CCBE1: variants seen among roughly 807,000 people sequenced by gnomAD.
CCBE1 encodes collagen and calcium-binding EGF domain-containing protein 1.
In CCBE1, 37 loss-of-function variants were observed where a neutral mutation model predicts 50.0. That is an observed-to-expected ratio of 0.74 (90% CI 0.57 to 0.97). The LOEUF is 0.97. Among genes scored for constraint, CCBE1 ranks in the 50% least tolerant of loss-of-function variants. The probability of loss-of-function intolerance (pLI) is 0.00; values close to 1 mark genes in which losing one functional copy is unlikely to be tolerated. For missense variants in CCBE1, 538 were observed against 523.8 expected (o/e 1.03, Z -0.26); for synonymous variants, 234 against 203.7 (o/e 1.15, Z -1.27).
intron 2 of CCBE1, among the ~76,000 whole-genome samples, chr18:59,589,101 T>A (rs1182049541): frequency 5.9e-5 from 9 of 152,176 alleles, no homozygotes; most frequent in African/African-American, 2.2e-4. Flanking sequence ...CAGGAAGGTC[T>A]GGAACTCAAC....
intron 2 of CCBE1, among the ~76,000 whole-genome samples, chr18:59,492,288 C>T (rs1019099404): frequency 3.3e-5 from 5 of 151,804 alleles, no homozygotes; most frequent in South Asian, 2.1e-4. Flanking sequence ...ACAACAGCTG[C>T]GTTTTCAGGT....
intron 2 of CCBE1, among the ~76,000 whole-genome samples, chr18:59,532,467 G>A (rs1483156629): frequency 6.6e-6 from 1 of 152,200 alleles, no homozygotes; most frequent in Non-Finnish European, 1.5e-5. Context: ...TGTACCAATA[G>A]CTTGCTTCAC....
chr18:59,517,875 G>A (rs1914440579), intron 2 of CCBE1, among the ~76,000 whole-genome samples: 1 of 152,228 alleles, frequency 6.6e-6, no homozygotes, highest in South Asian at 2.1e-4. Flanking sequence ...ACATGGTCAA[G>A]GGGGCTGGGG....
intron 2 of CCBE1, among the ~76,000 whole-genome samples, chr18:59,682,756 C>T (rs2054607840): frequency 6.6e-6 from 1 of 152,226 alleles, no homozygotes; most frequent in African/African-American, 2.4e-5. Context: ...AAAGTAAACT[C>T]CAACCCTTTG....
In CCBE1 at chr18:59,628,033, C is replaced by T. The variant is rs377034376; in HGVS notation, c.212+68596G>A. ...TTCAAGACCAGCCTGGGCAACATAA[C>T]GACACCCCGTCTCTACAAAAAATAC... On this transcript the variant is annotated intron_variant, in intron 2 of 10. Coordinates refer to ENST00000439986, the MANE Select transcript of CCBE1 (RefSeq NM_133459.4). Among the ~76,000 whole-genome samples, 31 of 152,126 alleles carry T rather than the reference C, an allele frequency of 2.0e-4. 1 individual carries two copies. The South Asian group carries it at 3.5e-3, about 17-fold the overall frequency.
chr18:59,524,800 T>C (rs912163769), intron 2 of CCBE1, among the ~76,000 whole-genome samples: 1 of 152,216 alleles, frequency 6.6e-6, no homozygotes. Flanking sequence ...CCTGTGTCCA[T>C]GTGTTCTCAC....
chr18:59,651,342 G>A (rs917565153), intron 2 of CCBE1, among the ~76,000 whole-genome samples: 5 of 152,164 alleles, frequency 3.3e-5, no homozygotes, highest in East Asian at 3.9e-4. Flanking sequence ...CCATACCACC[G>A]GGTTATGGGA....
At chr18:59,473,375 C>G (rs945944913) in intron 3 of CCBE1, among the ~76,000 whole-genome samples, 5 of 152,002 alleles carry the variant, frequency 3.3e-5, no homozygotes, top group Admixed American at 3.3e-4. Context: ...TGAATCACAT[C>G]TTTTTTCCTC....
chr18:59,504,467 T>C (rs1244139759), intron 2 of CCBE1, among the ~76,000 whole-genome samples: 2 of 152,070 alleles, frequency 1.3e-5, no homozygotes, highest in Admixed American at 1.3e-4. Context: ...CCTTATTTGT[T>C]TAAATTAAGA....
chr18:59,522,524 A>G (rs949212), intron 2 of CCBE1, among the ~76,000 whole-genome samples: 44,432 of 152,136 alleles, frequency 0.29, 8,337 homozygotes, highest in African/African-American at 0.53. Flanking sequence ...GACTGGGATC[A>G]TAGTGGTGGT....
intron 2 of CCBE1, among the ~76,000 whole-genome samples, chr18:59,485,584 A>ATATTTATTTATTTATTTATTTATT (rs60888501): frequency 2.8e-5 from 4 of 140,882 alleles, no homozygotes; most frequent in African/African-American, 7.9e-5. Flanking sequence ...GATATATCAG[A>ATATTTATTTATTTATTTATTTATT]TATTTATTTA....
At chr18:59,540,834 C>CT (rs1915438744) in intron 2 of CCBE1, among the ~76,000 whole-genome samples, 1 of 152,154 alleles carries the variant, frequency 6.6e-6, no homozygotes, top group South Asian at 2.1e-4. Context: ...TATTTAATGT[C>CT]TTGTCTTTAC....
chr18:59,672,970 A>T (rs2054455042), intron 2 of CCBE1, among the ~76,000 whole-genome samples: 1 of 152,108 alleles, frequency 6.6e-6, no homozygotes, highest in Non-Finnish European at 1.5e-5. Context: ...TACTCATGTA[A>T]CCAAGTACCA....
intron 2 of CCBE1, among the ~76,000 whole-genome samples, chr18:59,595,533 A>T (rs1194290282): frequency 1.3e-5 from 2 of 152,154 alleles, no homozygotes; most frequent in Non-Finnish European, 2.9e-5. Context: ...TTTTACCATC[A>T]CCATTACCTG....
intron 2 of CCBE1, among the ~76,000 whole-genome samples, chr18:59,563,144 A>G (rs1442635228): frequency 6.6e-6 from 1 of 152,150 alleles, no homozygotes; most frequent in African/African-American, 2.4e-5. Context: ...TCAAATGGCA[A>G]CTGCAGAGGT....
At chr18:59,585,398 A>C (rs1458147953) in intron 2 of CCBE1, among the ~76,000 whole-genome samples, 1 of 152,124 alleles carries the variant, frequency 6.6e-6, no homozygotes, top group Non-Finnish European at 1.5e-5. Flanking sequence ...CCTCTCCACC[A>C]AGACTGCAGG....
intron 5 of CCBE1, among the ~76,000 whole-genome samples, chr18:59,463,700 C>A (rs1437695197): frequency 6.6e-6 from 1 of 152,208 alleles, no homozygotes; most frequent in African/African-American, 2.4e-5. Context: ...ATTTCTATAT[C>A]CCAACATCGA....
At position 59,591,245 on chromosome 18, in the gene CCBE1, C is replaced by CAAAAAAAAA; in HGVS notation, c.212+105375_212+105383dup. On this transcript the variant is annotated intron_variant, in intron 2 of 10. Transcript: ENST00000439986. ...TGGGCCACAGAGCGAGACTCCGTCT[C>CAAAAAAAAA]AAAAAAAAAAAAAAAAAAAAAAAAA... is the stretch of plus-strand genomic sequence containing the variant. Among the ~76,000 whole-genome samples, 5 of 2,118 alleles carry CAAAAAAAAA rather than the reference C, an allele frequency of 2.4e-3. 2 individuals are homozygous for CAAAAAAAAA. Among genetic ancestry groups the CAAAAAAAAA allele is most frequent in the Non-Finnish European group, 3.4e-3 (5 of 1,480 alleles). 1.4% of individuals were successfully genotyped at this position (2,118 alleles called of 152,430 possible).
At chr18:59,543,422 T>A (rs1003565653) in intron 2 of CCBE1, among the ~76,000 whole-genome samples, 8 of 152,182 alleles carry the variant, frequency 5.3e-5, no homozygotes, top group Non-Finnish European at 8.8e-5. Context: ...ATATTTAGGA[T>A]TAAAAAGAGT....
Sources: allele counts gnomAD v4.1 joint callset (sites outside exome capture counted in the v4.1 genomes callset), GRCh38; gene constraint gnomAD v4.1.1; transcripts MANE v1.5; gene names NCBI Gene and HGNC (gene_info 2026-07-23, HGNC 2026-07-21).